Variants in SLC9A2 observed in about 807,000 individuals in gnomAD.
The protein encoded by SLC9A2 is solute carrier family 9 member A2.
A neutral mutation model predicts 71.7 loss-of-function variants in SLC9A2; 42 were observed. The ratio of observed to expected loss-of-function variants is 0.59; its 90% CI spans 0.46 to 0.76. The LOEUF is 0.76. Ranked by LOEUF, SLC9A2 falls within the 30% of genes least tolerant of loss-of-function variation. SLC9A2 has a pLI of 0.00. For missense variants in SLC9A2, 829 were observed against 1,017.4 expected (o/e 0.81, Z 2.52); for synonymous variants, 396 against 392.5 (o/e 1.01, Z -0.10).
chr2:102,674,246 G>A lies in SLC9A2; in HGVS notation c.1004+8896G>A, dbSNP rs553457289. 4.6e-5 allele frequency among the ~76,000 whole-genome samples: 7 copies of A among 152,258 alleles called. 1 individual carries two copies. In the South Asian group the frequency reaches 8.3e-4, roughly 18 times the overall value. On this transcript the variant is annotated intron_variant, in intron 3 of 11. Coordinates refer to ENST00000233969, the MANE Select transcript of SLC9A2 (RefSeq NM_003048.6). ...AGGTTAGAGCTAGGAATACAGCTAC[G>A]GAGGTCAAGCTTGGCCCTTCCTTGA...
intron 1 of SLC9A2, among the ~76,000 whole-genome samples, chr2:102,651,521 A>C (rs1396082998): frequency 1.3e-5 from 2 of 152,128 alleles, no homozygotes; most frequent in Admixed American, 6.6e-5. Flanking sequence ...CACTTCATTC[A>C]GGGCTTTGTT....
At chr2:102,621,365 A>AT (rs1054576790) in intron 1 of SLC9A2, among the ~76,000 whole-genome samples, 1 of 151,670 alleles carries the variant, frequency 6.6e-6, no homozygotes, top group African/African-American at 2.4e-5. Context: ...AAAAAAAAAA[A>AT]AAAAAAAATT....
intron 1 of SLC9A2, among the ~76,000 whole-genome samples, chr2:102,646,352 CA>C (rs1027065908): frequency 6.6e-6 from 1 of 152,054 alleles, no homozygotes; most frequent in Non-Finnish European, 1.5e-5. Context: ...AAAAACATAC[CA>C]AAATAAAAAG....
At chr2:102,670,849 C>CT (rs10687841) in intron 3 of SLC9A2, among the ~76,000 whole-genome samples, 12,117 of 75,864 alleles carry the variant, frequency 0.16, 2,014 homozygotes, top group Non-Finnish European at 0.21. Flanking sequence ...GGAAGGCATG[C>CT]TTTTTTTTTT....
rs375433711 is a variant in SLC9A2, at chr2:102,683,473, C to T, written c.1217C>T (p.Ala406Val). The change falls in exon 4 of 12, where the codon GCC becomes GTC. Residue 406 changes from alanine to valine, a missense_variant. Ala to Val is a moderately conservative substitution (Grantham distance 64). Around this residue, in one of 3 missense-constraint regions of SLC9A2, gnomAD observed 500 missense variants for 726.3 expected, o/e 0.69. Transcript: ENST00000233969. ...CTGGCCTTCTGCCTCATGTGGCGAG[C>T]CCTGGGTAATGAGTGCTTGTTTGCT... ...FTLAFCLMWRALGVFVLTQVI... is the reference protein window; with the variant it reads ...FTLAFCLMWRVLGVFVLTQVI... 1.2e-5 allele frequency: 19 copies of T among 1,613,516 alleles called. 1 individual carries two copies. Among genetic ancestry groups the T allele is most frequent in the Non-Finnish European group, 1.5e-5 (18 of 1,179,572 alleles).
At chr2:102,628,851 T>G (rs1319561659) in intron 1 of SLC9A2, among the ~76,000 whole-genome samples, 3 of 152,102 alleles carry the variant, frequency 2.0e-5, no homozygotes, top group Non-Finnish European at 4.4e-5. Context: ...GCCCAGTTGT[T>G]TTTTATTTTA....
In SLC9A2 at chr2:102,667,048, C is replaced by A. The variant is rs9917175; in HGVS notation, c.1004+1698C>A. Reference sequence around the variant, plus strand: ...GGTTTGTGGTGGAGGAAGTCGAAGACCCCCTACACAAAGAGAGTGGAAGCT... The same window carrying A: ...GGTTTGTGGTGGAGGAAGTCGAAGAACCCCTACACAAAGAGAGTGGAAGCT... On this transcript the variant is annotated intron_variant, in intron 3 of 11. Transcript: ENST00000233969. Among the ~76,000 whole-genome samples the A allele has an allele frequency of 9.3e-3, 1,420 of 152,280 alleles. 28 individuals carry two copies. The highest frequency in any genetic ancestry group is 0.033 in the African/African-American group (1,376 of 41,532).
chr2:102,679,447 T>A (rs1416514718), intron 3 of SLC9A2, among the ~76,000 whole-genome samples: 1 of 151,740 alleles, frequency 6.6e-6, no homozygotes, highest in Non-Finnish European at 1.5e-5. Context: ...AGTGGCGCGA[T>A]CTCAGCTCAC....
chr2:102,675,397 A>G (rs956875280), intron 3 of SLC9A2, among the ~76,000 whole-genome samples: 15 of 152,144 alleles, frequency 9.9e-5, no homozygotes, highest in African/African-American at 3.1e-4. Flanking sequence ...AAGTGACACA[A>G]TTGTATTTCT....
intron 7 of SLC9A2, among the ~76,000 whole-genome samples, chr2:102,699,105 A>T (rs1268815364): frequency 2.0e-5 from 3 of 152,222 alleles, no homozygotes; most frequent in Non-Finnish European, 4.4e-5. Flanking sequence ...ACATCTGGGC[A>T]GCGAGATGGG....
chr2:102,706,135 A>C (rs541721103), intron 11 of SLC9A2, among the ~76,000 whole-genome samples, 199 bp downstream of exon 11: 926 of 57,582 alleles, frequency 0.016, 324 homozygotes, highest in South Asian at 0.03. Context: ...CTGGCTAACA[A>C]GGTGAAACCC....
At chr2:102,690,706 A>G (rs1677641887) in intron 5 of SLC9A2, among the ~76,000 whole-genome samples, 1 of 152,168 alleles carries the variant, frequency 6.6e-6, no homozygotes, top group South Asian at 2.1e-4. Context: ...TTCTCACTCC[A>G]CCTATCCCAT....
At chr2:102,673,050 C>T (rs1677284899) in intron 3 of SLC9A2, among the ~76,000 whole-genome samples, 1 of 152,046 alleles carries the variant, frequency 6.6e-6, no homozygotes. Context: ...ATACACAAAA[C>T]TCATCCTAAG....
At chr2:102,630,949 ATATT>A (rs1221555075) in intron 1 of SLC9A2, among the ~76,000 whole-genome samples, 1 of 151,528 alleles carries the variant, frequency 6.6e-6, no homozygotes, top group Non-Finnish European at 1.5e-5. Flanking sequence ...TCTCTTTTCA[ATATT>A]TATTTCCTTA....
At position 102,661,067 on chromosome 2, in the gene SLC9A2, A is replaced by AGATTAGAAGTAGG. The variant is rs1214130028; in HGVS notation, c.753+3041_753+3042insATTAGAAGTAGGG. ...ACTTCATGCTATTGTACAGGGCTGT[A>AGATTAGAAGTAGG]GTAGATTAGAAGTAACTAGAGACAT... On this transcript the variant is annotated intron_variant, in intron 2 of 11. Transcript: ENST00000233969. Among the ~76,000 whole-genome samples the AGATTAGAAGTAGG allele has an allele frequency of 2.6e-5, 4 of 152,350 alleles. No individual in the cohort carries two copies. The South Asian group carries it at 6.2e-4, about 24-fold the overall frequency.
intron 3 of SLC9A2, among the ~76,000 whole-genome samples, chr2:102,673,590 C>T (rs1677294456): frequency 6.6e-6 from 1 of 152,048 alleles, no homozygotes; most frequent in African/African-American, 2.4e-5. Flanking sequence ...TTTTGTGTAA[C>T]TGAAAATGCT....
chr2:102,644,798 G>C (rs6755047), intron 1 of SLC9A2, among the ~76,000 whole-genome samples: 1 of 152,174 alleles, frequency 6.6e-6, no homozygotes, highest in Non-Finnish European at 1.5e-5. Flanking sequence ...AGCAGCCCCT[G>C]TCAAGGGCTT....
Position 102,619,696 on chromosome 2 carries a change from G to T in SLC9A2, c.-153G>T, listed in dbSNP as rs1433256633. ...CTCGCAGCGAGGACCTAGCCCTCTG[G>T]TTGCAGAGACCCGGTGCCGCAGCAG... On this transcript the variant is annotated 5_prime_UTR_variant, in exon 1 of 12. Transcript: ENST00000233969. This position sits in a 1 kb window ranked among gnomAD's most constrained non-coding sequence, Gnocchi z 4.3. 4.9e-6 allele frequency: 3 copies of T among 607,260 alleles called. No individual in the cohort carries two copies. The highest frequency in any genetic ancestry group is 6.9e-5 in the East Asian group (2 of 29,192). 37.6% of individuals were successfully genotyped at this position (607,260 alleles called of 1,614,324 possible). A position where few individuals can be genotyped will look rare whatever the true frequency, so the allele number is the denominator to read the frequency against.
intron 3 of SLC9A2, among the ~76,000 whole-genome samples, chr2:102,673,281 G>A (rs1016895324): frequency 2.0e-5 from 3 of 152,098 alleles, no homozygotes; most frequent in African/African-American, 7.2e-5. Context: ...TTGGTACAAC[G>A]CATAATAAAT....
Sources: allele counts gnomAD v4.1 joint callset (sites outside exome capture counted in the v4.1 genomes callset), GRCh38; gene constraint gnomAD v4.1.1; regional missense constraint gnomAD v4.1.1; non-coding constraint Gnocchi (gnomAD v3.1); transcripts MANE v1.5; gene names NCBI Gene and HGNC (gene_info 2026-07-23, HGNC 2026-07-21).